MYO10: variants seen among roughly 807,000 people sequenced by gnomAD.
MYO10 encodes the protein myosin X, also known as unconventional myosin-X.
Under a neutral mutation model 257.3 loss-of-function variants are expected in MYO10, and 133 were observed. The ratio of observed to expected loss-of-function variants is 0.52; its 90% CI spans 0.45 to 0.60. The LOEUF (loss-of-function observed/expected upper bound fraction) is 0.60, where lower values mean the gene tolerates loss of function less well. Ranked by LOEUF, MYO10 falls within the 20% of genes least tolerant of loss-of-function variation. The pLI is 0.00. For missense variants in MYO10, 2,399 were observed against 2,635.7 expected (o/e 0.91, Z 1.97); for synonymous variants, 1,104 against 1,028.6 (o/e 1.07, Z -1.40).
intron 1 of MYO10, among the ~76,000 whole-genome samples, chr5:16,918,586 T>G (rs1269353565): frequency 7.1e-6 from 1 of 141,004 alleles, no homozygotes; most frequent in Admixed American, 7.6e-5. Context: ...CACTGCAAAC[T>G]CCGCCTCCTG....
At position 16,918,673 on chromosome 5, in the gene MYO10, G is replaced by C. The variant is rs1282407930; in HGVS notation, c.21+17115C>G. On this transcript the variant is annotated intron_variant, in intron 1 of 40. Transcript: ENST00000513610. ...GCACCATCACGCCTGGCTAATTTTT[G>C]TATTTTAAGTAGAGACAGGGTTTCT... is the stretch of plus-strand genomic sequence containing the variant. Among the ~76,000 whole-genome samples the C allele has an allele frequency of 5.3e-5, 8 of 151,824 alleles. No individual in the cohort carries two copies. The East Asian group carries it at 1.4e-3, about 26-fold the overall frequency.
chr5:16,785,635 T>G (rs989269244), intron 4 of MYO10, among the ~76,000 whole-genome samples: 7 of 152,178 alleles, frequency 4.6e-5, no homozygotes, highest in African/African-American at 1.7e-4. Context: ...CATGGGAGGC[T>G]GAGGCGGGTG....
intron 2 of MYO10, among the ~76,000 whole-genome samples, chr5:16,839,268 G>A (rs190883403): frequency 3.9e-5 from 6 of 152,290 alleles, no homozygotes; most frequent in Admixed American, 2.0e-4. Context: ...ATTCATGAAA[G>A]GAGGTCAAAA....
chr5:16,841,145 C>CA (rs76124360), intron 2 of MYO10, among the ~76,000 whole-genome samples: 4,720 of 94,358 alleles, frequency 0.05, 115 homozygotes, highest in Admixed American at 0.12. Flanking sequence ...AAATGCATCT[C>CA]AAAAAAAAAA....
At position 16,859,436 on chromosome 5, in the gene MYO10, T is replaced by C. The variant is rs143492913; in HGVS notation, c.120+18173A>G. Among the ~76,000 whole-genome samples the C allele has an allele frequency of 7.9e-3, 1,200 of 152,066 alleles. 25 individuals carry two copies. Among genetic ancestry groups the C allele is most frequent in the African/African-American group, 0.027 (1,112 of 41,504 alleles). On this transcript the variant is annotated intron_variant, in intron 2 of 40. Coordinates refer to ENST00000513610, the MANE Select transcript of MYO10 (RefSeq NM_012334.3). ...GGTCTTACCTCCCAATACCATCACA[T>C]TGGGGGCTAGGATTTCAACATAGGA... is the stretch of plus-strand genomic sequence containing the variant.
intron 1 of MYO10, among the ~76,000 whole-genome samples, chr5:16,898,570 C>T (rs1745278474): frequency 1.3e-5 from 2 of 151,816 alleles, no homozygotes; most frequent in African/African-American, 2.4e-5. Flanking sequence ...CCGCCACACC[C>T]GGTTAATTTT....
chr5:16,700,179 A>T (rs2126546577), intron 25 of MYO10, among the ~76,000 whole-genome samples: 1 of 152,320 alleles, frequency 6.6e-6, no homozygotes, highest in South Asian at 2.1e-4. Flanking sequence ...CTTCCTTTAC[A>T]GCCACTATAA....
chr5:16,899,550 T>A (rs1009955677), intron 1 of MYO10, among the ~76,000 whole-genome samples: 6 of 148,260 alleles, frequency 4.0e-5, no homozygotes, highest in African/African-American at 1.5e-4. Context: ...GGCAGGAGAA[T>A]CGCGTGAACC....
chr5:16,684,859 C>T (rs914599334), intron 29 of MYO10, among the ~76,000 whole-genome samples: 69 of 152,060 alleles, frequency 4.5e-4, no homozygotes, highest in African/African-American at 1.6e-3. Context: ...CCAGACTGGG[C>T]AACATAGTGA....
At chr5:16,823,374 G>A (rs1014044882) in intron 2 of MYO10, among the ~76,000 whole-genome samples, 1 of 134,594 alleles carries the variant, frequency 7.4e-6, no homozygotes, top group African/African-American at 2.7e-5. Flanking sequence ...GAACCCGGGG[G>A]GCAGATGTTG....
intron 1 of MYO10, among the ~76,000 whole-genome samples, chr5:16,900,384 T>G (rs1227443137): frequency 6.6e-6 from 1 of 152,082 alleles, no homozygotes; most frequent in Non-Finnish European, 1.5e-5. Flanking sequence ...GGCAAATGTG[T>G]TTTTAATTAG....
chr5:16,761,920 T>A, intron 16 of MYO10, 125 bp downstream of exon 16: 2 of 1,018,590 alleles, frequency 2.0e-6, no homozygotes, highest in South Asian at 2.0e-5. Context: ...CCCAAAGTAC[T>A]GGGACTGTAG....
chr5:16,908,442 C>T (rs1159184073), intron 1 of MYO10, among the ~76,000 whole-genome samples: 1 of 152,088 alleles, frequency 6.6e-6, no homozygotes, highest in East Asian at 1.9e-4. Context: ...GCAGGAGAAT[C>T]GCTTGAACCC....
rs576331912 is a variant in MYO10 at position 16,837,809 on chromosome 5, G to A, written c.121-19642C>T. 2.6e-5 allele frequency among the ~76,000 whole-genome samples: 4 copies of A among 152,124 alleles called. No individual in the cohort carries two copies. The East Asian group carries it at 7.7e-4, about 29-fold the overall frequency. On this transcript the variant is annotated intron_variant, in intron 2 of 40. Transcript: ENST00000513610. ...CAGACACTGCATTTTCTTACAAATCGAGGGTTTGTGGCAACCCTGTGCAAG... is the reference window on the plus strand; with the variant it reads ...CAGACACTGCATTTTCTTACAAATCAAGGGTTTGTGGCAACCCTGTGCAAG...
intron 28 of MYO10, 84 bp downstream of exon 28, chr5:16,689,740 A>G (rs955182126): frequency 3.5e-6 from 4 of 1,154,902 alleles, no homozygotes; most frequent in Admixed American, 1.9e-5. Flanking sequence ...AGGCCAGTAC[A>G]GTAAACAGTG....
At chr5:16,740,663 T>TTC (rs879812333) in intron 19 of MYO10, among the ~76,000 whole-genome samples, 3 of 152,076 alleles carry the variant, frequency 2.0e-5, no homozygotes, top group Non-Finnish European at 4.4e-5. Flanking sequence ...AGGGAAGCAC[T>TTC]TCTGTATTCC....
intron 25 of MYO10, chr5:16,699,786 CAA>C (rs1203905060): frequency 0.021 from 1,102 of 53,192 alleles, 2 homozygotes; most frequent in African/African-American, 0.051. Flanking sequence ...GCCTCAGTCT[CAA>C]AAAAAAAAAA....
chr5:16,718,437 G>A (rs376798098), intron 19 of MYO10, among the ~76,000 whole-genome samples: 1 of 152,288 alleles, frequency 6.6e-6, no homozygotes, highest in African/African-American at 2.4e-5. Context: ...GGGACGTGGA[G>A]AGTATTTATA....
chr5:16,747,191 C>T (rs570779966), intron 19 of MYO10, among the ~76,000 whole-genome samples: 28 of 152,136 alleles, frequency 1.8e-4, no homozygotes, highest in South Asian at 6.2e-4. Context: ...GTAGACAGGG[C>T]GAAGGAGCAT....
Sources: gnomAD v4.1 joint callset for allele counts (sites outside exome capture counted in the v4.1 genomes callset) on GRCh38, gnomAD v4.1.1 for gene constraint, MANE v1.5 for transcripts, NCBI Gene and HGNC (gene_info 2026-07-23, HGNC 2026-07-21) for gene names.